The following ADAMTS2 variants were observed in gnomAD, a reference collection of about 807,000 sequenced individuals.
ADAMTS2 encodes A disintegrin and metalloproteinase with thrombospondin motifs 2.
A neutral mutation model predicts 123.0 loss-of-function variants in ADAMTS2; 50 were observed. The observed-to-expected ratio is 0.41, with a 90% confidence interval of 0.32 to 0.51. The LOEUF (loss-of-function observed/expected upper bound fraction) is 0.51, where lower values mean the gene tolerates loss of function less well. Among genes scored for constraint, ADAMTS2 ranks in the 20% least tolerant of loss-of-function variants. The pLI is 0.35. For synonymous variants in ADAMTS2, 678 were observed against 695.4 expected (o/e 0.98, Z 0.39); for missense variants, 1,494 against 1,705.2 (o/e 0.88, Z 2.18).
Position 179,212,598 on chromosome 5 carries a change from T to C in ADAMTS2, c.689-4883A>G, listed in dbSNP as rs1318697162. Among the ~76,000 whole-genome samples the C allele has an allele frequency of 4.8e-3, 251 of 52,090 alleles. 29 individuals carry two copies. Among genetic ancestry groups the C allele is most frequent in the African/African-American group, 0.015 (200 of 13,168 alleles). The allele number at this position is 52,090 out of a possible 152,430, so 34.2% of individuals were successfully genotyped here. Reference sequence around the variant, plus strand: ...AGTGGGCAGGCGTGGGCCCTGAGGGTGGGTTCAGTGGGCAGGTGTGGGCCC... The same window carrying C: ...AGTGGGCAGGCGTGGGCCCTGAGGGCGGGTTCAGTGGGCAGGTGTGGGCCC... On this transcript the variant is annotated intron_variant, in intron 3 of 21. Transcript: ENST00000251582.
intron 2 of ADAMTS2, among the ~76,000 whole-genome samples, chr5:179,277,120 G>A (rs1283435437): frequency 6.6e-6 from 1 of 152,128 alleles, no homozygotes; most frequent in Non-Finnish European, 1.5e-5. Flanking sequence ...GGGCACAGGA[G>A]CACACTGGGG....
At position 179,312,945 on chromosome 5, in the gene ADAMTS2, T is replaced by G. The variant is rs1328926817; in HGVS notation, c.534+30822A>C. Reference sequence around the variant, plus strand: ...CAGAAACCAATACAATGGGGAACTCTGATATGGACTAAAAGTGGTGAGAGA... The same window carrying G: ...CAGAAACCAATACAATGGGGAACTCGGATATGGACTAAAAGTGGTGAGAGA... On this transcript the variant is annotated intron_variant, in intron 2 of 21. Coordinates refer to ENST00000251582, the MANE Select transcript of ADAMTS2 (RefSeq NM_014244.5). This position sits in a 1 kb window ranked among gnomAD's most constrained non-coding sequence, Gnocchi z 4.2. Among the ~76,000 whole-genome samples the G allele has an allele frequency of 6.6e-6, 1 of 152,218 alleles. No individual in the cohort carries two copies. The highest frequency in any genetic ancestry group is 1.5e-5 in the Non-Finnish European group (1 of 68,034).
At chr5:179,156,922 T>A (rs966953119) in intron 6 of ADAMTS2, among the ~76,000 whole-genome samples, 8 of 151,900 alleles carry the variant, frequency 5.3e-5, no homozygotes, top group South Asian at 2.1e-4. Flanking sequence ...TTGGTTTTTT[T>A]AAAATATCTG....
chr5:179,178,998 G>A lies in ADAMTS2; in HGVS notation c.975+2074C>T, dbSNP rs149798659. On this transcript the variant is annotated intron_variant, in intron 5 of 21. Coordinates refer to ENST00000251582, the MANE Select transcript of ADAMTS2 (RefSeq NM_014244.5). ...CTTGCTCTGTTACCCAGGCTGGAGC[G>A]CAGTGGTGTGATCTCAGCTCACTGC... Among the ~76,000 whole-genome samples, 740 of 152,266 alleles carry A rather than the reference G, an allele frequency of 4.9e-3. 3 individuals carry two copies. Among genetic ancestry groups the A allele is most frequent in the African/African-American group, 0.017 (691 of 41,542 alleles).
At chr5:179,305,676 GATCA>G (rs2113566676) in intron 2 of ADAMTS2, among the ~76,000 whole-genome samples, 1 of 152,064 alleles carries the variant, frequency 6.6e-6, no homozygotes, top group East Asian at 1.9e-4. Context: ...TAATAGAGAA[GATCA>G]ATGAAACCAA....
chr5:179,329,339 A>C (rs112050316), intron 2 of ADAMTS2, among the ~76,000 whole-genome samples: 3,460 of 151,206 alleles, frequency 0.023, 96 homozygotes, highest in African/African-American at 0.07. Flanking sequence ...AAAAAAAAAA[A>C]AAAACAAAAC....
At chr5:179,297,516 G>A (rs528604589) in intron 2 of ADAMTS2, among the ~76,000 whole-genome samples, 8 of 152,070 alleles carry the variant, frequency 5.3e-5, no homozygotes, top group African/African-American at 1.7e-4. Context: ...CCTCCCCACA[G>A]CCTGCCCCTT....
intron 17 of ADAMTS2, among the ~76,000 whole-genome samples, chr5:179,127,705 C>T (rs1413943143): frequency 1.3e-5 from 2 of 152,138 alleles, no homozygotes; most frequent in African/African-American, 4.8e-5. Flanking sequence ...GTCACCCCCA[C>T]ACTGAAGCAG....
In ADAMTS2 at chr5:179,180,327, G is replaced by A. The variant is rs918539844; in HGVS notation, c.975+745C>T. Reference sequence around the variant, plus strand: ...GTTTGGCTGCAAGAGGAAGTGGGACGGGCAAGAGAGCCCAGCTGGGACAGC... The same window carrying A: ...GTTTGGCTGCAAGAGGAAGTGGGACAGGCAAGAGAGCCCAGCTGGGACAGC... On this transcript the variant is annotated intron_variant, in intron 5 of 21. Transcript: ENST00000251582. This position sits in a 1 kb window ranked among gnomAD's most constrained non-coding sequence, Gnocchi z 4.6. 7.9e-5 allele frequency among the ~76,000 whole-genome samples: 12 copies of A among 152,184 alleles called. No individual in the cohort carries two copies. Among genetic ancestry groups the A allele is most frequent in the African/African-American group, 2.4e-4 (10 of 41,454 alleles).
chr5:179,344,348 G>A (rs948571259), intron 1 of ADAMTS2, among the ~76,000 whole-genome samples, 187 bp from the exon 2 acceptor site: 2 of 152,216 alleles, frequency 1.3e-5, no homozygotes, highest in Non-Finnish European at 1.5e-5. Context: ...CGTTAACAGG[G>A]CCACCACTCC....
chr5:179,133,998 C>A (rs1763010157), intron 13 of ADAMTS2, among the ~76,000 whole-genome samples: 2 of 152,142 alleles, frequency 1.3e-5, no homozygotes. Flanking sequence ...AGGCGTGAGC[C>A]ACCACGCCCA....
chr5:179,307,790 TAG>T lies in ADAMTS2; in HGVS notation c.535-34728_535-34727del, dbSNP rs1281167854. ...GGCCTTCTTCCAGAAGTCCAGGTCC[TAG>T]CTCCGATGCCTCCTCACAAGGACCT... On this transcript the variant is annotated intron_variant, in intron 2 of 21. Coordinates refer to ENST00000251582, the MANE Select transcript of ADAMTS2 (RefSeq NM_014244.5). The surrounding 1 kb of genome is among the most constrained non-coding windows in gnomAD (Gnocchi z 5.6). Among the ~76,000 whole-genome samples, 4 of 152,334 alleles carry T rather than the reference TAG, an allele frequency of 2.6e-5. No homozygotes were observed. Among genetic ancestry groups the T allele is most frequent in the African/African-American group, 9.6e-5 (4 of 41,584 alleles).
Position 179,332,989 on chromosome 5 carries a change from C to G in ADAMTS2, c.534+10778G>C, listed in dbSNP as rs1167105707. On this transcript the variant is annotated intron_variant, in intron 2 of 21. Coordinates refer to ENST00000251582, the MANE Select transcript of ADAMTS2 (RefSeq NM_014244.5). This position sits in a 1 kb window ranked among gnomAD's most constrained non-coding sequence, Gnocchi z 4.2. Reference sequence around the variant, plus strand: ...TGGGAGCCCTCACCCCCTTATCCTGCCCGCTTGCCTGTGAGGACCCCTCCC... The same window carrying G: ...TGGGAGCCCTCACCCCCTTATCCTGGCCGCTTGCCTGTGAGGACCCCTCCC... Among the ~76,000 whole-genome samples, 1 of 152,194 alleles carries G rather than the reference C, an allele frequency of 6.6e-6. No homozygotes were observed. Among genetic ancestry groups the G allele is most frequent in the African/African-American group, 2.4e-5 (1 of 41,450 alleles).
At chr5:179,213,877 G>A (rs935080367) in intron 3 of ADAMTS2, among the ~76,000 whole-genome samples, 1 of 152,228 alleles carries the variant, frequency 6.6e-6, no homozygotes, top group Non-Finnish European at 1.5e-5. Context: ...AGGAAGGAGA[G>A]ACAAGGCCAC....
chr5:179,303,022 T>G lies in ADAMTS2; in HGVS notation c.535-29958A>C, dbSNP rs1393872451. ...CTGGGTGGGGTACAGGAGGTCAGAG[T>G]GGTGGGCGGGGGCAGACTGCACAGA... On this transcript the variant is annotated intron_variant, in intron 2 of 21. Coordinates refer to ENST00000251582, the MANE Select transcript of ADAMTS2 (RefSeq NM_014244.5). The surrounding 1 kb of genome is among the most constrained non-coding windows in gnomAD (Gnocchi z 4.7). Among the ~76,000 whole-genome samples, 5 of 123,108 alleles carry G rather than the reference T, an allele frequency of 4.1e-5. No homozygotes were observed. Among genetic ancestry groups the G allele is most frequent in the Admixed American group, 8.5e-5 (1 of 11,764 alleles). 80.8% of individuals were successfully genotyped at this position (123,108 alleles called of 152,430 possible).
chr5:179,259,119 T>G (rs1766145548), intron 3 of ADAMTS2, among the ~76,000 whole-genome samples: 1 of 151,986 alleles, frequency 6.6e-6, no homozygotes, highest in Non-Finnish European at 1.5e-5. Context: ...ACAGAAGCCA[T>G]CGTGATCTGA....
chr5:179,341,367 A>C (rs549229768), intron 2 of ADAMTS2: 27 of 397,040 alleles, frequency 6.8e-5, no homozygotes, highest in South Asian at 4.8e-4. Flanking sequence ...AAAGGAAGGA[A>C]GGAAGGAAGG....
At chr5:179,327,324 A>G (rs1363483150) in intron 2 of ADAMTS2, among the ~76,000 whole-genome samples, 1 of 150,718 alleles carries the variant, frequency 6.6e-6, no homozygotes, top group Admixed American at 6.6e-5. Flanking sequence ...CCACATTCAT[A>G]GAGTCTCCAG....
chr5:179,154,970 A>G (rs1763441137), intron 6 of ADAMTS2, 51 bp from the exon 7 acceptor site: 2 of 1,531,352 alleles, frequency 1.3e-6, no homozygotes, highest in Admixed American at 1.8e-5. Context: ...CTGGCCGGGA[A>G]GGTGAGGCCT....
Sources: allele counts gnomAD v4.1 joint callset (sites outside exome capture counted in the v4.1 genomes callset), GRCh38; gene constraint gnomAD v4.1.1; non-coding constraint Gnocchi (gnomAD v3.1); transcripts MANE v1.5; gene names NCBI Gene and HGNC (gene_info 2026-07-23, HGNC 2026-07-21).